The following CTNNA3 variants were observed in gnomAD, a reference collection of about 807,000 sequenced individuals.
CTNNA3 encodes catenin alpha-3.
A neutral mutation model predicts 95.7 loss-of-function variants in CTNNA3; 76 were observed. The ratio of observed to expected loss-of-function variants is 0.79; its 90% CI spans 0.66 to 0.96. The LOEUF (loss-of-function observed/expected upper bound fraction) is 0.96. Among genes scored for constraint, CTNNA3 ranks in the 40% least tolerant of loss-of-function variants. The pLI, the probability that CTNNA3 is intolerant of heterozygous loss-of-function variation, is 0.00. For missense variants in CTNNA3, 1,191 were observed against 1,089.8 expected (o/e 1.09, Z -1.31); for synonymous variants, 431 against 374.4 (o/e 1.15, Z -1.74).
chr10:67,589,870 G>A lies in CTNNA3; in HGVS notation c.292+16987C>T, dbSNP rs1479218033. Among the ~76,000 whole-genome samples, 6 of 151,946 alleles carry A rather than the reference G, an allele frequency of 3.9e-5. No homozygotes were observed. The East Asian group carries it at 1.2e-3, about 29-fold the overall frequency. ...TTTGACTGACAAATCTTTAAGACTT[G>A]TTACACACAGATCATTAGTTATCTT... is the stretch of plus-strand genomic sequence containing the variant. On this transcript the variant is annotated intron_variant, in intron 3 of 17. Transcript: ENST00000433211.
chr10:66,040,948 T>C (rs1334059609), intron 15 of CTNNA3, among the ~76,000 whole-genome samples: 1 of 152,138 alleles, frequency 6.6e-6, no homozygotes, highest in Non-Finnish European at 1.5e-5. Context: ...AATAATTTCA[T>C]AGTCTCAAAA....
Position 66,519,417 on chromosome 10 carries a change from T to C in CTNNA3, c.1531+1200A>G, listed in dbSNP as rs192141563. On this transcript the variant is annotated intron_variant, in intron 11 of 17. Coordinates refer to ENST00000433211, the MANE Select transcript of CTNNA3 (RefSeq NM_013266.4). ...ACATATAATGGTTGTTGAATTATCA[T>C]ATTGCATCTGTGAAAGGAAAATAAA... 2.0e-5 allele frequency among the ~76,000 whole-genome samples: 3 copies of C among 152,306 alleles called. 1 individual carries two copies. The highest frequency in any genetic ancestry group is 7.2e-5 in the African/African-American group (3 of 41,574).
chr10:66,874,861 C>T (rs191573436), intron 7 of CTNNA3, among the ~76,000 whole-genome samples: 1 of 152,304 alleles, frequency 6.6e-6, no homozygotes, highest in Non-Finnish European at 1.5e-5. Flanking sequence ...ATATGTAAAA[C>T]TCTGTGCTGG....
At chr10:66,967,848 AC>A (rs2132811293) in intron 7 of CTNNA3, among the ~76,000 whole-genome samples, 1 of 152,252 alleles carries the variant, frequency 6.6e-6, no homozygotes, top group South Asian at 2.1e-4. Flanking sequence ...CAATTCTACA[AC>A]AATGAGTAGT....
At chr10:67,519,421 A>G (rs1839915786) in intron 5 of CTNNA3, among the ~76,000 whole-genome samples, 2 of 152,200 alleles carry the variant, frequency 1.3e-5, no homozygotes, top group South Asian at 4.1e-4. Flanking sequence ...AACCTCAATA[A>G]TACATAGGGG....
intron 7 of CTNNA3, among the ~76,000 whole-genome samples, chr10:67,151,014 GA>G (rs1202380127): frequency 1.1e-4 from 17 of 152,084 alleles, no homozygotes; most frequent in Admixed American, 1.0e-3. Context: ...GTAGATAATG[GA>G]ATTTTTTCCC....
At chr10:67,365,634 A>G (rs1159616887) in intron 5 of CTNNA3, among the ~76,000 whole-genome samples, 2 of 152,260 alleles carry the variant, frequency 1.3e-5, no homozygotes, top group African/African-American at 4.8e-5. Flanking sequence ...AATGCTCATC[A>G]TCACTGGTCA....
intron 9 of CTNNA3, among the ~76,000 whole-genome samples, chr10:66,673,734 T>A (rs1846746954): frequency 6.6e-6 from 1 of 152,050 alleles, no homozygotes; most frequent in South Asian, 2.1e-4. Flanking sequence ...ATTATATTCA[T>A]CATTTCAAAG....
intron 7 of CTNNA3, among the ~76,000 whole-genome samples, chr10:67,149,679 T>C (rs1861007950): frequency 6.6e-6 from 1 of 152,168 alleles, no homozygotes; most frequent in Non-Finnish European, 1.5e-5. Flanking sequence ...GGTAAGTAGC[T>C]TGTCCAACAT....
chr10:66,325,123 A>T (rs1359465058), intron 12 of CTNNA3, among the ~76,000 whole-genome samples: 1 of 151,988 alleles, frequency 6.6e-6, no homozygotes, highest in Admixed American at 6.6e-5. Flanking sequence ...GACCAAAAGC[A>T]AACATTAAAA....
intron 12 of CTNNA3, among the ~76,000 whole-genome samples, chr10:66,353,061 G>A (rs1589129094): frequency 6.6e-6 from 1 of 151,896 alleles, no homozygotes; most frequent in Admixed American, 6.6e-5. Context: ...AATAAATATT[G>A]ATTTTAAAGG....
chr10:66,510,358 T>G (rs1487918339), intron 11 of CTNNA3, among the ~76,000 whole-genome samples: 1 of 151,936 alleles, frequency 6.6e-6, no homozygotes, highest in Non-Finnish European at 1.5e-5. Context: ...TTTGACTTCC[T>G]CTTTTCCAAT....
intron 3 of CTNNA3, among the ~76,000 whole-genome samples, chr10:67,589,374 T>C (rs1271991764): frequency 2.0e-5 from 3 of 152,256 alleles, no homozygotes; most frequent in East Asian, 1.9e-4. Context: ...TAGTACCAAA[T>C]ATAGGCACTA....
intron 9 of CTNNA3, among the ~76,000 whole-genome samples, chr10:66,664,926 T>C (rs1262463840): frequency 4.0e-5 from 6 of 148,356 alleles, no homozygotes; most frequent in African/African-American, 1.5e-4. Context: ...ATCCAGACCT[T>C]CCTACAAACT....
intron 5 of CTNNA3, among the ~76,000 whole-genome samples, chr10:67,280,496 T>C (rs1231315147): frequency 2.6e-5 from 4 of 151,946 alleles, no homozygotes; most frequent in Admixed American, 6.6e-5. Context: ...GCAGAGTTCA[T>C]TGGGCAAAAA....
chr10:66,702,649 T>G (rs1261961866), intron 9 of CTNNA3, among the ~76,000 whole-genome samples: 4 of 138,048 alleles, frequency 2.9e-5, no homozygotes, highest in Admixed American at 1.7e-4. Context: ...GTGGTTGCAG[T>G]GAGCCGAGAT....
At chr10:67,725,204 T>A (rs1004207243) in intron 1 of CTNNA3, among the ~76,000 whole-genome samples, 6 of 150,202 alleles carry the variant, frequency 4.0e-5, no homozygotes, top group African/African-American at 1.5e-4. Flanking sequence ...GAGACGGGAG[T>A]CTCGCTCTGT....
intron 7 of CTNNA3, among the ~76,000 whole-genome samples, chr10:67,083,958 C>A (rs1857175964): frequency 6.6e-6 from 1 of 152,062 alleles, no homozygotes; most frequent in Non-Finnish European, 1.5e-5. Flanking sequence ...GGGAGAGGGA[C>A]ACAGTCAATT....
At chr10:66,880,148 A>G (rs1403620742) in intron 7 of CTNNA3, among the ~76,000 whole-genome samples, 1 of 152,108 alleles carries the variant, frequency 6.6e-6, no homozygotes, top group Non-Finnish European at 1.5e-5. Context: ...GAAAGTGAAG[A>G]GAATGAACTG....
Sources: gnomAD v4.1 joint callset for allele counts (sites outside exome capture counted in the v4.1 genomes callset) on GRCh38, gnomAD v4.1.1 for gene constraint, MANE v1.5 for transcripts, NCBI Gene and HGNC (gene_info 2026-07-23, HGNC 2026-07-21) for gene names.